NAV3: variants seen among roughly 807,000 people sequenced by gnomAD.
The protein encoded by NAV3 is neuron navigator 3, also known as pore membrane and/or filament interacting like protein 1.
In NAV3, 87 loss-of-function variants were observed where a neutral mutation model predicts 244.7. That is an observed-to-expected ratio of 0.36 (90% CI 0.30 to 0.42). The LOEUF (loss-of-function observed/expected upper bound fraction) is 0.42, where lower values mean the gene tolerates loss of function less well. NAV3 is among the 20% of genes least tolerant of loss of function. The pLI, the probability that NAV3 is intolerant of heterozygous loss-of-function variation, is 1.00. For missense variants in NAV3, 2,663 were observed against 2,893.3 expected, an observed-to-expected ratio of 0.92 and a Z score of 1.83; for synonymous variants, 1,126 against 1,042.2, an observed-to-expected ratio of 1.08 and a Z score of -1.55.
chr12:77,747,649 A>G (rs2135787917), intron 2 of NAV3, among the ~76,000 whole-genome samples: 1 of 152,338 alleles, frequency 6.6e-6, no homozygotes, highest in African/African-American at 2.4e-5. Flanking sequence ...TCCATCAATG[A>G]TAGACTGGAT....
chr12:77,686,133 A>G (rs1457862119), intron 2 of NAV3, among the ~76,000 whole-genome samples: 1 of 152,060 alleles, frequency 6.6e-6, no homozygotes, highest in Admixed American at 6.6e-5. Context: ...GGATGGATTT[A>G]TGTATGTATG....
intron 2 of NAV3, among the ~76,000 whole-genome samples, chr12:77,700,512 A>G (rs1203511696): frequency 3.3e-5 from 5 of 152,150 alleles, no homozygotes; most frequent in Non-Finnish European, 5.9e-5. Flanking sequence ...ATGATTTTAA[A>G]GTTTATTCTT....
At chr12:77,731,670 G>A (rs534890894) in intron 2 of NAV3, among the ~76,000 whole-genome samples, 4 of 152,012 alleles carry the variant, frequency 2.6e-5, no homozygotes, top group Admixed American at 2.0e-4. Flanking sequence ...TCAAGAAGAC[G>A]GAGCTAAAAG....
chr12:78,113,960 T>C (rs2694678), intron 12 of NAV3, among the ~76,000 whole-genome samples: 112,578 of 152,082 alleles, frequency 0.74, 41,905 homozygotes, highest in Middle Eastern at 0.78. Flanking sequence ...AAATCATATC[T>C]TGAACACTTT....
At chr12:77,871,065 C>T (rs1880879629) in intron 1 of NAV3, among the ~76,000 whole-genome samples, 1 of 152,096 alleles carries the variant, frequency 6.6e-6, no homozygotes, top group Non-Finnish European at 1.5e-5. Context: ...ATAGGAGGCC[C>T]ACTTATTTCA....
intron 18 of NAV3, among the ~76,000 whole-genome samples, chr12:78,129,254 A>G (rs1381967004): frequency 6.6e-6 from 1 of 152,232 alleles, no homozygotes; most frequent in Non-Finnish European, 1.5e-5. Context: ...ACAGGAAGGC[A>G]TCTCCTTATT....
At chr12:78,149,510 T>C (rs1396771757) in intron 22 of NAV3, among the ~76,000 whole-genome samples, 1 of 152,008 alleles carries the variant, frequency 6.6e-6, no homozygotes, top group Non-Finnish European at 1.5e-5. Flanking sequence ...GTCAATTAAA[T>C]TAACATTTAC....
intron 6 of NAV3, among the ~76,000 whole-genome samples, chr12:77,995,526 G>C (rs752411158): frequency 3.9e-5 from 6 of 152,160 alleles, no homozygotes; most frequent in Non-Finnish European, 8.8e-5. Flanking sequence ...CACAGCAAAA[G>C]AGTTTTATAC....
intron 9 of NAV3, among the ~76,000 whole-genome samples, chr12:78,041,259 TTA>T (rs771538855): frequency 9.9e-5 from 15 of 152,192 alleles, no homozygotes; most frequent in Non-Finnish European, 1.8e-4. Flanking sequence ...TCTTAGTACG[TTA>T]TGTTTGAAAT....
intron 5 of NAV3, among the ~76,000 whole-genome samples, chr12:77,983,995 T>G (rs1870029347): frequency 6.6e-6 from 1 of 152,168 alleles, no homozygotes; most frequent in Non-Finnish European, 1.5e-5. Context: ...GTCCTGAACT[T>G]AAGACACTTT....
intron 30 of NAV3, among the ~76,000 whole-genome samples, chr12:78,184,078 C>T (rs541886352): frequency 1.3e-5 from 2 of 151,954 alleles, no homozygotes; most frequent in South Asian, 4.2e-4. Context: ...GAGCAGGCTC[C>T]CTTCAGTTAC....
chr12:78,142,783 A>G (rs1487140445), intron 20 of NAV3, among the ~76,000 whole-genome samples: 3 of 149,898 alleles, frequency 2.0e-5, no homozygotes, highest in Non-Finnish European at 4.4e-5. Flanking sequence ...GGTATATCCT[A>G]GTGTTAAGTG....
chr12:78,188,221 A>C, intron 31 of NAV3, 27 bp from the exon 32 acceptor site: 7 of 1,493,120 alleles, frequency 4.7e-6, no homozygotes, highest in Non-Finnish European at 6.5e-6. Context: ...GTTGGATTTT[A>C]TCTTACTTTA....
At chr12:77,658,577 A>G (rs2137024172) in intron 2 of NAV3, among the ~76,000 whole-genome samples, 1 of 152,120 alleles carries the variant, frequency 6.6e-6, no homozygotes, top group African/African-American at 2.4e-5. Flanking sequence ...CAAGCTACCA[A>G]TGACTTTCTT....
intron 12 of NAV3, among the ~76,000 whole-genome samples, chr12:78,062,572 T>C (rs530048164): frequency 1.3e-5 from 2 of 152,270 alleles, no homozygotes; most frequent in South Asian, 4.1e-4. Flanking sequence ...ATGAGCTTTT[T>C]TATCACTGAT....
rs576195689 is a variant in NAV3, at chr12:77,600,340, C to G, written c.72+28074C>G. Among the ~76,000 whole-genome samples, 4 of 151,950 alleles carry G rather than the reference C, an allele frequency of 2.6e-5. No homozygotes were observed. In the East Asian group the frequency reaches 7.7e-4, roughly 29 times the overall value. Reference sequence around the variant, plus strand: ...TGATCTTATACTGACTACTGACTGGCCCAGGACATCTCAACTCTCTCTCTT... The same window carrying G: ...TGATCTTATACTGACTACTGACTGGGCCAGGACATCTCAACTCTCTCTCTT... On this transcript the variant is annotated intron_variant, in intron 2 of 8. Coordinates refer to the NAV3 transcript ENST00000550042.
intron 2 of NAV3, among the ~76,000 whole-genome samples, chr12:77,778,551 G>T (rs1870500889): frequency 6.7e-6 from 1 of 150,230 alleles, no homozygotes. Context: ...GACAGAGCTT[G>T]CAGTGAACTG....
intron 12 of NAV3, among the ~76,000 whole-genome samples, chr12:78,064,075 G>A (rs1884665670): frequency 6.6e-6 from 1 of 152,136 alleles, no homozygotes; most frequent in African/African-American, 2.4e-5. Flanking sequence ...TGCTTAGAAA[G>A]TGACTAAAAT....
chr12:78,079,468 A>T (rs1451375918), intron 12 of NAV3, among the ~76,000 whole-genome samples: 1 of 152,122 alleles, frequency 6.6e-6, no homozygotes, highest in African/African-American at 2.4e-5. Flanking sequence ...GTATTTTTTG[A>T]TATTTTTTAT....
Sources: allele counts gnomAD v4.1 joint callset (sites outside exome capture counted in the v4.1 genomes callset), GRCh38; gene constraint gnomAD v4.1.1; transcripts MANE v1.5; gene names NCBI Gene and HGNC (gene_info 2026-07-23, HGNC 2026-07-21).